DENND6A: variants seen among roughly 807,000 people sequenced by gnomAD.
DENND6A encodes the protein protein DENND6A.
DENND6A carries 43 observed loss-of-function variants against 95.5 expected under a neutral mutation model. The ratio of observed to expected loss-of-function variants is 0.45; its 90% CI spans 0.35 to 0.58. The LOEUF is 0.58. DENND6A is among the 20% of genes least tolerant of loss of function. The pLI is 0.00. For missense variants in DENND6A, 574 were observed against 736.0 expected (o/e 0.78, Z 2.55); for synonymous variants, 257 against 260.4 (o/e 0.99, Z 0.13).
chr3:57,690,075 T>C (rs1575876486), intron 1 of DENND6A, among the ~76,000 whole-genome samples: 1 of 145,676 alleles, frequency 6.9e-6, no homozygotes, highest in South Asian at 2.1e-4. Context: ...TCAGGTGCGG[T>C]GGCTCACGCC....
chr3:57,655,558 T>G (rs1228565652), intron 9 of DENND6A, among the ~76,000 whole-genome samples: 1 of 152,218 alleles, frequency 6.6e-6, no homozygotes. Flanking sequence ...ATTCTACTTA[T>G]GACCTCAAGG....
At chr3:57,638,456 G>A (rs982917399) in intron 12 of DENND6A, among the ~76,000 whole-genome samples, 5 of 150,206 alleles carry the variant, frequency 3.3e-5, no homozygotes, top group African/African-American at 7.4e-5. Context: ...TCAGGAGTTC[G>A]AGACCAGCCT....
intron 6 of DENND6A, among the ~76,000 whole-genome samples, chr3:57,661,089 T>C (rs537229192): frequency 7.9e-5 from 12 of 152,268 alleles, no homozygotes; most frequent in African/African-American, 2.9e-4. Context: ...TGTATTCATT[T>C]ATTACTACTA....
chr3:57,676,176 G>A (rs994017225), intron 1 of DENND6A, among the ~76,000 whole-genome samples: 6 of 151,870 alleles, frequency 4.0e-5, no homozygotes, highest in East Asian at 1.9e-4. Flanking sequence ...CCAGGAGTTC[G>A]AGATCAGCCT....
At chr3:57,657,939 A>T (rs17058422) in intron 8 of DENND6A, among the ~76,000 whole-genome samples, 1 of 152,168 alleles carries the variant, frequency 6.6e-6, no homozygotes, top group African/African-American at 2.4e-5. Context: ...GATAACATGG[A>T]TAAAGAATTA....
In DENND6A at chr3:57,628,345, A is replaced by T; in HGVS notation, c.1696T>A (p.Leu566Met). 1.5e-5 allele frequency: 25 copies of T among 1,613,650 alleles called. No homozygotes were observed. The highest frequency in any genetic ancestry group is 2.1e-5 in the Non-Finnish European group (25 of 1,179,862). The change falls in exon 20 of 20, where the codon TTG (leucine) becomes ATG (methionine). Residue 566 changes from leucine (L) to methionine (M), a missense_variant and splice_region_variant. By Grantham distance (15) the Leu-to-Met change is conservative. Coordinates refer to ENST00000311128, the MANE Select transcript of DENND6A (RefSeq NM_152678.3). ...DLVLKLKNKL[L>M]QADREHLPVK... is the part of the protein sequence containing the mutation. The stretch of plus-strand genomic sequence containing the variant: ...GGTAAGTGCTCTCGATCAGCCTGCA[A>T]CTACATAAGGAACATTTCATAACAT...
intron 5 of DENND6A, 127 bp from the exon 6 acceptor site, chr3:57,661,678 T>C: frequency 1.4e-6 from 1 of 691,882 alleles, no homozygotes; most frequent in South Asian, 1.9e-5. Context: ...TTACAGTGGA[T>C]AGTTAAAAGG....
intron 12 of DENND6A, among the ~76,000 whole-genome samples, chr3:57,639,279 T>C (rs2070872507): frequency 6.6e-6 from 1 of 152,230 alleles, no homozygotes; most frequent in African/African-American, 2.4e-5. Context: ...TTGGCAGAGA[T>C]GTTAAGAAAT....
At chr3:57,670,454 G>T (rs2071597328) in intron 3 of DENND6A, among the ~76,000 whole-genome samples, 1 of 152,046 alleles carries the variant, frequency 6.6e-6, no homozygotes. Context: ...GAAAGATAAG[G>T]GTTATTTTAG....
Position 57,630,432 on chromosome 3 carries a change from G to C in DENND6A, c.1609C>G (p.Leu537Val). The change falls in exon 18 of 20, where the codon CTT becomes GTT. Residue 537 changes from leucine to valine, a missense_variant. Leu to Val is a conservative substitution (Grantham distance 32, BLOSUM62 1). Transcript: ENST00000311128. ...CACAGTTTTCGAACCTCTTCACAAA[G>C]AGCTTCTAGATGGAGTGCCTCCAAT... Reference protein sequence around the residue: ...QKLEALHLEALCEEDLLLWIQ... With the variant: ...QKLEALHLEAVCEEDLLLWIQ... The C allele has an allele frequency of 1.3e-6, 2 of 1,584,134 alleles. No individual in the cohort carries two copies. Among genetic ancestry groups the C allele is most frequent in the Non-Finnish European group, 1.7e-6 (2 of 1,173,392 alleles).
chr3:57,677,707 G>T (rs958381540), intron 1 of DENND6A, among the ~76,000 whole-genome samples: 1 of 152,048 alleles, frequency 6.6e-6, no homozygotes, highest in East Asian at 1.9e-4. Flanking sequence ...AAATTGCTGG[G>T]ATTATAGGCC....
At chr3:57,684,352 A>G (rs1288006729) in intron 1 of DENND6A, among the ~76,000 whole-genome samples, 2 of 151,886 alleles carry the variant, frequency 1.3e-5, no homozygotes, top group African/African-American at 4.8e-5. Context: ...AATCCCAGCT[A>G]CTTAGGAGGC....
At position 57,659,107 on chromosome 3, in the gene DENND6A, T is replaced by C. The variant is rs749171517; in HGVS notation, c.762+11A>G. On this transcript the variant is annotated intron_variant, in intron 8 of 19. Coordinates refer to ENST00000311128, the MANE Select transcript of DENND6A (RefSeq NM_152678.3). ...TATGTGCTGGATCATTCTACCATAG[T>C]ACCACACTACCTGCTGAGTTAACTG... is the stretch of plus-strand genomic sequence containing the variant. 2 of 1,613,750 alleles carry C rather than the reference T, an allele frequency of 1.2e-6. No homozygotes were observed. The highest frequency in any genetic ancestry group is 1.7e-6 in the Non-Finnish European group (2 of 1,179,850).
At chr3:57,666,478 T>C (rs1366119268) in intron 3 of DENND6A, among the ~76,000 whole-genome samples, 1 of 152,228 alleles carries the variant, frequency 6.6e-6, no homozygotes, top group African/African-American at 2.4e-5. Flanking sequence ...ATTTTTCCTA[T>C]TCCATATCCC....
rs1489550548 is a variant in DENND6A, at chr3:57,669,671, C to T, written c.319+2585G>A. ...CAGAGCTTGCAGTGAGTGGAGATCGCGCCACTGCGCTCCAGCCTGGGCAAC... is the reference window on the plus strand; with the variant it reads ...CAGAGCTTGCAGTGAGTGGAGATCGTGCCACTGCGCTCCAGCCTGGGCAAC... On this transcript the variant is annotated intron_variant, in intron 3 of 19. Transcript: ENST00000311128. Among the ~76,000 whole-genome samples, 3 of 150,796 alleles carry T rather than the reference C, an allele frequency of 2.0e-5. No individual in the cohort carries two copies. In the East Asian group the frequency reaches 5.9e-4, roughly 30 times the overall value.
In DENND6A at chr3:57,632,209, C is replaced by T. The variant is rs1377471163; in HGVS notation, c.1353+1056G>A. On this transcript the variant is annotated intron_variant, in intron 15 of 19. Transcript: ENST00000311128. ...CAATTTTTTGTATTTTTAGTAGAGA[C>T]GAGACGGGGTTTCACCGTGTTAGCC... Among the ~76,000 whole-genome samples the T allele has an allele frequency of 3.1e-5, 4 of 129,002 alleles. No individual in the cohort carries two copies. The East Asian group carries it at 7.3e-4, about 24-fold the overall frequency. 84.6% of individuals were successfully genotyped at this position (129,002 alleles called of 152,430 possible).
In DENND6A at chr3:57,628,104, G is replaced by A; in HGVS notation, c.*110C>T. On this transcript the variant is annotated 3_prime_UTR_variant, in exon 20 of 20. Transcript: ENST00000311128. The stretch of plus-strand genomic sequence containing the variant: ...TTTCTACCCTGTAACTAGCATTCAT[G>A]GCAATTTTCCACTCCGCTGCCACTG... 4.8e-6 allele frequency: 7 copies of A among 1,469,930 alleles called. No homozygotes were observed. The highest frequency in any genetic ancestry group is 6.4e-6 in the Non-Finnish European group (7 of 1,095,410). 91.1% of individuals were successfully genotyped at this position (1,469,930 alleles called of 1,614,324 possible).
intron 9 of DENND6A, among the ~76,000 whole-genome samples, chr3:57,652,270 AGCTGCCAT>A (rs767723716): frequency 3.0e-4 from 45 of 152,354 alleles, no homozygotes; most frequent in Non-Finnish European, 5.1e-4. Flanking sequence ...GGGAAAAGTT[AGCTGCCAT>A]GTTGTGAGAA....
intron 11 of DENND6A, among the ~76,000 whole-genome samples, chr3:57,643,859 A>G (rs2153413544): frequency 6.6e-6 from 1 of 151,056 alleles, no homozygotes; most frequent in East Asian, 2.0e-4. Flanking sequence ...AGAAATAATT[A>G]TCAGTCTGGG....
Sources: gnomAD v4.1 joint callset for allele counts (sites outside exome capture counted in the v4.1 genomes callset) on GRCh38, gnomAD v4.1.1 for gene constraint, MANE v1.5 for transcripts, NCBI Gene and HGNC (gene_info 2026-07-23, HGNC 2026-07-21) for gene names.